The following ATG5 variants were observed in gnomAD, a reference collection of about 807,000 sequenced individuals.
The protein encoded by ATG5 is autophagy protein 5.
Under a neutral mutation model 36.5 loss-of-function variants are expected in ATG5, and 14 were observed. That is an observed-to-expected ratio of 0.38 (90% CI 0.25 to 0.60). The LOEUF (loss-of-function observed/expected upper bound fraction) is 0.60. Ranked by LOEUF, ATG5 falls within the 20% of genes least tolerant of loss-of-function variation. ATG5 has a pLI of 0.60. For synonymous variants in ATG5, 95 were observed against 101.5 expected (o/e 0.94, Z 0.38); for missense variants, 195 against 326.7 (o/e 0.60, Z 3.11).
intron 7 of ATG5, among the ~76,000 whole-genome samples, chr6:106,195,008 G>A (rs904887958): frequency 6.6e-6 from 1 of 152,092 alleles, no homozygotes; most frequent in Non-Finnish European, 1.5e-5. Context: ...ATTTACCTGA[G>A]CTCACCTTTG....
intron 5 of ATG5, among the ~76,000 whole-genome samples, chr6:106,256,525 G>A (rs1488861245): frequency 2.6e-5 from 4 of 152,154 alleles, no homozygotes; most frequent in African/African-American, 9.7e-5. Flanking sequence ...TTCATTTAAC[G>A]ATGAGGATAG....
At chr6:106,191,754 T>C (rs1029406750) in intron 7 of ATG5, among the ~76,000 whole-genome samples, 1 of 152,092 alleles carries the variant, frequency 6.6e-6, no homozygotes, top group African/African-American at 2.4e-5. Context: ...ATGTAACTGA[T>C]AAAGTATGTG....
intron 1 of ATG5, among the ~76,000 whole-genome samples, chr6:106,323,602 T>C (rs1375789812): frequency 1.3e-5 from 2 of 152,164 alleles, no homozygotes; most frequent in African/African-American, 4.8e-5. Flanking sequence ...TTCTTCTACC[T>C]GACTGCTCTC....
At chr6:106,286,629 G>A (rs902685728) in intron 4 of ATG5, among the ~76,000 whole-genome samples, 1 of 152,140 alleles carries the variant, frequency 6.6e-6, no homozygotes, top group African/African-American at 2.4e-5. Context: ...TGCGGCAAAG[G>A]TGATGGGATG....
At chr6:106,231,083 C>T (rs1002291791) in intron 6 of ATG5, among the ~76,000 whole-genome samples, 2 of 151,884 alleles carry the variant, frequency 1.3e-5, no homozygotes, top group East Asian at 3.9e-4. Context: ...AAACAACTAA[C>T]CAAAGAATGC....
chr6:106,257,254 G>C (rs762501154), intron 5 of ATG5, among the ~76,000 whole-genome samples: 2 of 152,062 alleles, frequency 1.3e-5, no homozygotes, highest in Non-Finnish European at 2.9e-5. Context: ...CTATTTTACA[G>C]CTAACTTTTT....
At chr6:106,319,870 T>C (rs559780781) in intron 1 of ATG5, among the ~76,000 whole-genome samples, 1 of 152,326 alleles carries the variant, frequency 6.6e-6, no homozygotes, top group South Asian at 2.1e-4. Flanking sequence ...GGAAAGACAG[T>C]GTATGAATAT....
chr6:106,224,026 G>C (rs933741318), intron 6 of ATG5, among the ~76,000 whole-genome samples: 3 of 152,194 alleles, frequency 2.0e-5, no homozygotes, highest in Non-Finnish European at 4.4e-5. Context: ...TTCGCAGAAA[G>C]AACATCTATA....
chr6:106,199,665 A>T (rs1776343696), intron 7 of ATG5, among the ~76,000 whole-genome samples: 1 of 152,206 alleles, frequency 6.6e-6, no homozygotes, highest in Admixed American at 6.5e-5. Flanking sequence ...ATTAAATTAT[A>T]AAAAAATTAT....
At chr6:106,238,574 C>G (rs536948735) in intron 6 of ATG5, among the ~76,000 whole-genome samples, 1 of 152,244 alleles carries the variant, frequency 6.6e-6, no homozygotes, top group South Asian at 2.1e-4. Context: ...AGAACCTCTA[C>G]AGTGTTTTCC....
intron 6 of ATG5, among the ~76,000 whole-genome samples, chr6:106,226,936 G>A (rs1249673005): frequency 1.3e-5 from 2 of 151,484 alleles, no homozygotes; most frequent in Non-Finnish European, 2.9e-5. Flanking sequence ...AAGGAAGGAA[G>A]GAAGGAAAGG....
At chr6:106,208,556 AG>A (rs200336924) in intron 6 of ATG5, among the ~76,000 whole-genome samples, 254 of 152,250 alleles carry the variant, frequency 1.7e-3, no homozygotes, top group African/African-American at 6.0e-3. Context: ...CTATATGGCA[AG>A]GAAAAAAAAA....
At chr6:106,197,995 A>T (rs1243317882) in intron 7 of ATG5, among the ~76,000 whole-genome samples, 2 of 152,240 alleles carry the variant, frequency 1.3e-5, no homozygotes, top group Non-Finnish European at 2.9e-5. Context: ...TCTATCAGCA[A>T]TAAAAACGAT....
chr6:106,198,360 A>C (rs1405406566), intron 7 of ATG5, among the ~76,000 whole-genome samples: 1 of 152,240 alleles, frequency 6.6e-6, no homozygotes, highest in Admixed American at 6.5e-5. Context: ...TTTGATTTTT[A>C]AAATATGTAA....
At chr6:106,196,637 T>C (rs900275897) in intron 7 of ATG5, among the ~76,000 whole-genome samples, 1 of 151,932 alleles carries the variant, frequency 6.6e-6, no homozygotes, top group Non-Finnish European at 1.5e-5. Flanking sequence ...AGCACAAGAT[T>C]GCTTGAACCT....
intron 5 of ATG5, among the ~76,000 whole-genome samples, chr6:106,261,203 T>C (rs544562541): frequency 5.9e-4 from 90 of 152,326 alleles, no homozygotes; most frequent in African/African-American, 2.1e-3. Flanking sequence ...TTTCAAAAAA[T>C]GTAAGCAGAA....
chr6:106,301,926 T>G (rs938325182), intron 3 of ATG5, among the ~76,000 whole-genome samples: 1 of 152,046 alleles, frequency 6.6e-6, no homozygotes, highest in Non-Finnish European at 1.5e-5. Context: ...TCAAATAACT[T>G]GCCCAAGGTT....
At chr6:106,296,711 G>A (rs894361132) in intron 3 of ATG5, among the ~76,000 whole-genome samples, 4 of 152,176 alleles carry the variant, frequency 2.6e-5, no homozygotes, top group South Asian at 2.1e-4. Flanking sequence ...CTAGCTACTC[G>A]GGAGGCTGAG....
Position 106,246,745 on chromosome 6 carries a change from T to C in ATG5, c.573+1405A>G, listed in dbSNP as rs138497966. The stretch of plus-strand genomic sequence containing the variant: ...CTCTTTGTGAAATGTCTTCAGAGTC[T>C]GCGATATATTTTCTTCAACTAAATT... On this transcript the variant is annotated intron_variant, in intron 6 of 7. Transcript: ENST00000369076. Among the ~76,000 whole-genome samples the C allele has an allele frequency of 6.5e-3, 995 of 152,344 alleles. 10 individuals carry two copies. Among genetic ancestry groups the C allele is most frequent in the African/African-American group, 0.022 (918 of 41,588 alleles).
Sources: gnomAD v4.1 joint callset for allele counts (sites outside exome capture counted in the v4.1 genomes callset) on GRCh38, gnomAD v4.1.1 for gene constraint, MANE v1.5 for transcripts, NCBI Gene and HGNC (gene_info 2026-07-23, HGNC 2026-07-21) for gene names.